SPG11: variants seen among roughly 807,000 people sequenced by gnomAD.
The protein encoded by SPG11 is spatacsin.
A neutral mutation model predicts 274.0 loss-of-function variants in SPG11; 222 were observed. The observed-to-expected ratio is 0.81, with a 90% CI of 0.73 to 0.91. SPG11 has a LOEUF of 0.91. SPG11 is among the 40% of genes least tolerant of loss of function. The pLI is 0.00. For missense variants in SPG11, 3,114 were observed against 2,872.7 expected, an observed-to-expected ratio of 1.08 and a Z score of -1.92; for synonymous variants, 1,144 against 1,039.7, an observed-to-expected ratio of 1.10 and a Z score of -1.93.
At chr15:44,624,198 AAAAG>A (rs1281422936) in intron 11 of SPG11, among the ~76,000 whole-genome samples, 2 of 152,070 alleles carry the variant, frequency 1.3e-5, no homozygotes, top group African/African-American at 2.4e-5. Flanking sequence ...TAAAAAAAAA[AAAAG>A]AAAGGCCAAG....
chr15:44,656,997 G>T, intron 4 of SPG11, 98 bp downstream of exon 4: 2 of 1,032,052 alleles, frequency 1.9e-6, no homozygotes, highest in Admixed American at 2.4e-5. Context: ...AATAGAAAAA[G>T]AAACACTAGT....
intron 7 of SPG11, among the ~76,000 whole-genome samples, chr15:44,639,245 A>G (rs1040129882): frequency 6.6e-6 from 1 of 151,272 alleles, no homozygotes; most frequent in Non-Finnish European, 1.5e-5. Flanking sequence ...TACAAAGGGT[A>G]TCTTAAAACA....
intron 35 of SPG11, 49 bp from the exon 36 acceptor site, chr15:44,567,641 G>A: frequency 6.2e-7 from 1 of 1,603,696 alleles, no homozygotes. Flanking sequence ...GGGACTGCAA[G>A]GCAGACAGGA....
rs2082709515 is a variant in SPG11, at chr15:44,584,134, A to C, written c.5546T>G (p.Leu1849Arg). 1.2e-6 allele frequency: 2 copies of C among 1,614,122 alleles called. No individual in the cohort carries two copies. The highest frequency in any genetic ancestry group is 1.7e-5 in the Admixed American group (1 of 60,000). ...AAGTTCTAAGTATTTTGATGTGTTC[A>C]GAGCAGCCAACTTGGAGAAGGAAAA... ...SEFSFSKLAA[L>R]NTSKYLELNS... Residue 1849 changes from leucine (L) to arginine (R), a missense_variant, in exon 30 of 40, where the codon CTG becomes CGG. Leu to Arg is a moderately radical substitution (Grantham distance 102). Coordinates refer to ENST00000261866, the MANE Select transcript of SPG11 (RefSeq NM_025137.4).
intron 15 of SPG11, among the ~76,000 whole-genome samples, chr15:44,618,805 G>A (rs540612097): frequency 7.3e-5 from 11 of 150,846 alleles, no homozygotes; most frequent in African/African-American, 9.8e-5. Context: ...GGGTGACAGC[G>A]AGACTCCATC....
At chr15:44,569,218 G>A (rs1160663480) in intron 35 of SPG11, among the ~76,000 whole-genome samples, 180 bp downstream of exon 35, 2 of 151,576 alleles carry the variant, frequency 1.3e-5, no homozygotes, top group Non-Finnish European at 1.5e-5. Flanking sequence ...GCATATTCAC[G>A]GACTGATCTG....
chr15:44,652,388 A>C (rs2084809640), intron 4 of SPG11, 122 bp from the exon 5 acceptor site: 1 of 1,030,462 alleles, frequency 9.7e-7, no homozygotes, highest in Admixed American at 2.0e-5. Flanking sequence ...AATTCCGCAG[A>C]AAGGAACTCC....
chr15:44,583,066 G>C (rs1482954594), intron 30 of SPG11, among the ~76,000 whole-genome samples: 1 of 150,416 alleles, frequency 6.6e-6, no homozygotes, highest in Non-Finnish European at 1.5e-5. Flanking sequence ...AGATTGGAAA[G>C]GCAGAAATAC....
intron 7 of SPG11, among the ~76,000 whole-genome samples, chr15:44,648,551 G>C (rs2084671043): frequency 6.6e-6 from 1 of 151,082 alleles, no homozygotes; most frequent in Non-Finnish European, 1.5e-5. Flanking sequence ...GCATAAGGTA[G>C]GAATAAAAGA....
At chr15:44,597,552 A>T (rs1256181193) in intron 23 of SPG11, among the ~76,000 whole-genome samples, 1 of 152,232 alleles carries the variant, frequency 6.6e-6, no homozygotes, top group Non-Finnish European at 1.5e-5. Flanking sequence ...GGAAGTTGTC[A>T]GTCAAGAAAC....
At chr15:44,620,573 G>A (rs376768449) in intron 14 of SPG11, 170 bp from the exon 15 acceptor site, 89 of 600,418 alleles carry the variant, frequency 1.5e-4, no homozygotes, top group African/African-American at 7.4e-4. Flanking sequence ...ACAGGATCTC[G>A]CTGTGTTGCC....
At chr15:44,648,421 G>C (rs190117478) in intron 7 of SPG11, among the ~76,000 whole-genome samples, 1 of 151,672 alleles carries the variant, frequency 6.6e-6, no homozygotes, top group Non-Finnish European at 1.5e-5. Context: ...GCTGAGGTGG[G>C]AGAATTGCTT....
intron 26 of SPG11, among the ~76,000 whole-genome samples, chr15:44,593,194 T>G (rs2082947257): frequency 6.6e-6 from 1 of 152,088 alleles, no homozygotes; most frequent in South Asian, 2.1e-4. Context: ...CCTTTATTAT[T>G]ATTTTTTATT....
intron 29 of SPG11, among the ~76,000 whole-genome samples, 195 bp from the exon 30 acceptor site, chr15:44,584,753 C>T (rs1295898397): frequency 6.6e-6 from 1 of 152,142 alleles, no homozygotes; most frequent in Non-Finnish European, 1.5e-5. Flanking sequence ...CCTCAGCCTC[C>T]CAGGTAGCTG....
At chr15:44,598,919 C>CA (rs758934559) in intron 21 of SPG11, 83 bp from the exon 22 acceptor site, 94 of 1,350,734 alleles carry the variant, frequency 7.0e-5, no homozygotes, top group Admixed American at 5.6e-5. Context: ...AAATCAGTGA[C>CA]AGAGGGAGTG....
chr15:44,604,857 G>T (rs2083279772), intron 20 of SPG11, among the ~76,000 whole-genome samples: 1 of 143,492 alleles, frequency 7.0e-6, no homozygotes, highest in Non-Finnish European at 1.5e-5. Context: ...GAACCCGGGA[G>T]GCACAACTTG....
intron 4 of SPG11, among the ~76,000 whole-genome samples, chr15:44,655,066 A>C (rs1329618927): frequency 6.6e-6 from 1 of 152,192 alleles, no homozygotes; most frequent in Non-Finnish European, 1.5e-5. Context: ...TCTGCTTAAA[A>C]TGCCATGTGG....
chr15:44,642,609 C>T (rs1003003593), intron 7 of SPG11, among the ~76,000 whole-genome samples: 5 of 151,138 alleles, frequency 3.3e-5, no homozygotes, highest in Admixed American at 3.3e-4. Context: ...GCCTGTAATC[C>T]CAGTGCTTTA....
Position 44,585,816 on chromosome 15 carries a change from C to G in SPG11, c.4941G>C (p.Gln1647His). 1 of 1,613,904 alleles carries G rather than the reference C, an allele frequency of 6.2e-7. No individual in the cohort carries two copies. Among genetic ancestry groups the G allele is most frequent in the Non-Finnish European group, 8.5e-7 (1 of 1,179,956 alleles). ...TGGCTATGGATGTATCCTTCAAAAT[C>G]TGGCAAAGGATGCAAAGCTTTTTCA... is the stretch of plus-strand genomic sequence containing the variant. Reference protein sequence around the residue: ...PDVKKLCILCQILKDTSIAIN... With the variant: ...PDVKKLCILCHILKDTSIAIN... Residue 1647 changes from glutamine (Q) to histidine (H), a missense_variant, in exon 29 of 40, where the codon CAG becomes CAC. Physicochemically the swap from Gln to His is conservative, Grantham distance 24. Transcript: ENST00000261866.
Sources: allele counts gnomAD v4.1 joint callset (sites outside exome capture counted in the v4.1 genomes callset), GRCh38; gene constraint gnomAD v4.1.1; transcripts MANE v1.5; gene names NCBI Gene and HGNC (gene_info 2026-07-23, HGNC 2026-07-21).